TC2N: variants seen among roughly 807,000 people sequenced by gnomAD.
TC2N encodes the protein tandem C2 domains, nuclear.
A neutral mutation model predicts 61.9 loss-of-function variants in TC2N; 51 were observed. The observed-to-expected ratio is 0.82, with a 90% CI of 0.66 to 1.04. The LOEUF is 1.04. Ranked by LOEUF, TC2N falls within the 50% of genes least tolerant of loss-of-function variation. TC2N has a pLI of 0.00. For missense variants in TC2N, 556 were observed against 566.7 expected (o/e 0.98, Z 0.19); for synonymous variants, 204 against 192.6 (o/e 1.06, Z -0.49).
chr14:91,826,501 G>A (rs1354786150), intron 1 of TC2N, among the ~76,000 whole-genome samples: 1 of 151,870 alleles, frequency 6.6e-6, no homozygotes, highest in East Asian at 1.9e-4. Context: ...AATTTATGAG[G>A]TACATATAAA....
At chr14:91,823,009 C>T (rs1278679797) in intron 1 of TC2N, among the ~76,000 whole-genome samples, 2 of 151,832 alleles carry the variant, frequency 1.3e-5, no homozygotes, top group African/African-American at 4.8e-5. Context: ...GCCACCGTGC[C>T]GAGCCTATAC....
At chr14:91,830,514 G>A (rs1366491918) in intron 1 of TC2N, among the ~76,000 whole-genome samples, 2 of 152,156 alleles carry the variant, frequency 1.3e-5, no homozygotes, top group East Asian at 3.8e-4. Context: ...CACAGAAATG[G>A]AAAACAGATT....
At chr14:91,798,439 A>C (rs1314300103) in intron 6 of TC2N, 40 bp from the exon 7 acceptor site, 1 of 1,092,126 alleles carries the variant, frequency 9.2e-7, no homozygotes, top group Non-Finnish European at 1.4e-6. Context: ...AATGCCATGC[A>C]ATCCTTCTAA....
intron 10 of TC2N, among the ~76,000 whole-genome samples, chr14:91,786,739 T>C (rs1169731887): frequency 6.6e-6 from 1 of 152,234 alleles, no homozygotes; most frequent in African/African-American, 2.4e-5. Flanking sequence ...CATTCATGTT[T>C]TCTCTATTTT....
chr14:91,864,257 A>C (rs1429660391), intron 1 of TC2N, among the ~76,000 whole-genome samples: 1 of 152,164 alleles, frequency 6.6e-6, no homozygotes, highest in Non-Finnish European at 1.5e-5. Context: ...CTTACTTCTC[A>C]GGGCTAGCTG....
In TC2N at chr14:91,780,303, T is replaced by C. The variant is rs999852149; in HGVS notation, c.*2797A>G. On this transcript the variant is annotated 3_prime_UTR_variant, in exon 12 of 12. Coordinates refer to ENST00000435962, the MANE Select transcript of TC2N (RefSeq NM_001128596.3). ...AAATGTTACTAGGAGATATAGTTTA[T>C]ACCTGGCTGTTGAGTACATTAGTAT... The C allele has an allele frequency of 1.3e-5, 2 of 152,364 alleles. No homozygotes were observed. The highest frequency in any genetic ancestry group is 1.5e-5 in the Non-Finnish European group (1 of 68,028). The allele number at this position is 152,364 out of a possible 1,614,324, so 9.4% of individuals were successfully genotyped here. A position where few individuals can be genotyped will look rare whatever the true frequency, so the allele number is the denominator to read the frequency against.
chr14:91,793,682 A>G (rs1885766225), intron 8 of TC2N, among the ~76,000 whole-genome samples: 1 of 152,218 alleles, frequency 6.6e-6, no homozygotes, highest in Admixed American at 6.5e-5. Context: ...TGGGCAACTT[A>G]ATCGATAAAT....
chr14:91,797,255 TA>T (rs1473052891), intron 8 of TC2N, among the ~76,000 whole-genome samples: 1 of 152,086 alleles, frequency 6.6e-6, no homozygotes, highest in Non-Finnish European at 1.5e-5. Flanking sequence ...TGAATGATAT[TA>T]TTTTAAAATG....
chr14:91,860,301 G>A (rs2139926173), intron 1 of TC2N, among the ~76,000 whole-genome samples: 1 of 150,738 alleles, frequency 6.6e-6, no homozygotes, highest in Admixed American at 6.6e-5. Flanking sequence ...TGTTATGGGG[G>A]GCTGGGGAAG....
chr14:91,844,968 C>T (rs1888241354), intron 1 of TC2N, among the ~76,000 whole-genome samples: 1 of 152,010 alleles, frequency 6.6e-6, no homozygotes. Context: ...GGTGCGGTGG[C>T]TCATGCCTGT....
At position 91,831,138 on chromosome 14, in the gene TC2N, A is replaced by G. The variant is rs1298572274; in HGVS notation, c.-56-17313T>C. 7.6e-3 allele frequency among the ~76,000 whole-genome samples: 1,164 copies of G among 152,290 alleles called. 18 individuals carry two copies. Among genetic ancestry groups the G allele is most frequent in the African/African-American group, 0.026 (1,092 of 41,560 alleles). On this transcript the variant is annotated intron_variant, in intron 1 of 11. Transcript: ENST00000435962. ...GCTTTCTCTTAGATTTTGGCATGTT[A>G]ATTCCTATCTTTTGAATTGTTTTTT...
intron 1 of TC2N, among the ~76,000 whole-genome samples, chr14:91,827,426 T>C (rs934397510): frequency 1.6e-4 from 25 of 152,168 alleles, no homozygotes; most frequent in Non-Finnish European, 8.8e-5. Context: ...GAAACCTGCA[T>C]TCCTTGGCTC....
At chr14:91,803,805 C>A (rs1210272803) in intron 3 of TC2N, among the ~76,000 whole-genome samples, 2 of 152,094 alleles carry the variant, frequency 1.3e-5, no homozygotes, top group East Asian at 3.9e-4. Context: ...ATTTAAAATT[C>A]CCATTTGTCA....
chr14:91,798,280 A>G lies in TC2N; in HGVS notation c.738+19T>C. ...ATTCAATTTTGTAATAAAAGCTGGT[A>G]TTAACTATACTAATTTACCTGTAAA... On this transcript the variant is annotated intron_variant, in intron 7 of 11. Transcript: ENST00000435962. The G allele has an allele frequency of 7.8e-7, 1 of 1,280,716 alleles. No individual in the cohort carries two copies. The highest frequency in any genetic ancestry group is 1.1e-6 in the Non-Finnish European group (1 of 907,056). The allele number at this position is 1,280,716 out of a possible 1,614,324, so 79.3% of individuals were successfully genotyped here. A position where few individuals can be genotyped will look rare whatever the true frequency, so the allele number is the denominator to read the frequency against.
intron 1 of TC2N, among the ~76,000 whole-genome samples, chr14:91,815,491 T>G (rs1886966261): frequency 6.6e-6 from 1 of 151,702 alleles, no homozygotes; most frequent in African/African-American, 2.4e-5. Flanking sequence ...GGAAATTAAA[T>G]TGTATAAGAA....
rs928155421 is a variant in TC2N at position 91,779,802 on chromosome 14, T to C, written c.*3298A>G. On this transcript the variant is annotated 3_prime_UTR_variant, in exon 12 of 12. Transcript: ENST00000435962. ...TGGTTTATAGAAATCACATTTTTTATAGATTAAAAAACTTAAAACTAAAAA... is the reference window on the plus strand; with the variant it reads ...TGGTTTATAGAAATCACATTTTTTACAGATTAAAAAACTTAAAACTAAAAA... The C allele has an allele frequency of 2.6e-5, 4 of 152,072 alleles. No individual in the cohort carries two copies. The highest frequency in any genetic ancestry group is 9.7e-5 in the African/African-American group (4 of 41,404). The allele number at this position is 152,072 out of a possible 1,614,324, so 9.4% of individuals were successfully genotyped here.
intron 7 of TC2N, 78 bp downstream of exon 7, chr14:91,798,221 A>G: frequency 2.7e-6 from 2 of 734,780 alleles, no homozygotes; most frequent in Non-Finnish European, 2.2e-6. Context: ...ATTCCCCAGA[A>G]AAGGGCAATA....
intron 1 of TC2N, among the ~76,000 whole-genome samples, chr14:91,831,724 T>C (rs185021757): frequency 6.6e-6 from 1 of 152,148 alleles, no homozygotes; most frequent in African/African-American, 2.4e-5. Flanking sequence ...CTACATGGAT[T>C]AAGGACACAA....
chr14:91,826,529 C>G (rs1329116049), intron 1 of TC2N, among the ~76,000 whole-genome samples: 2 of 152,014 alleles, frequency 1.3e-5, no homozygotes, highest in Non-Finnish European at 2.9e-5. Context: ...ATCTCCCTTT[C>G]AATCTTTAGT....
Sources: gnomAD v4.1 joint callset for allele counts (sites outside exome capture counted in the v4.1 genomes callset) on GRCh38, gnomAD v4.1.1 for gene constraint, MANE v1.5 for transcripts, NCBI Gene and HGNC (gene_info 2026-07-23, HGNC 2026-07-21) for gene names.